BTBD9: variants seen among roughly 807,000 people sequenced by gnomAD.
The protein encoded by BTBD9 is BTB domain containing 9.
In BTBD9, 49 loss-of-function variants were observed where a neutral mutation model predicts 64.3. The ratio of observed to expected loss-of-function variants is 0.76; its 90% CI spans 0.61 to 0.97. The LOEUF is 0.97. BTBD9 is among the 50% of genes least tolerant of loss of function. The probability of loss-of-function intolerance (pLI) is 0.00; values close to 1 mark genes in which losing one functional copy is unlikely to be tolerated. For synonymous variants in BTBD9, 260 were observed against 274.7 expected (o/e 0.95, Z 0.53); for missense variants, 598 against 762.1 (o/e 0.78, Z 2.53).
chr6:38,215,482 G>C (rs950810977), intron 9 of BTBD9, among the ~76,000 whole-genome samples: 16 of 152,150 alleles, frequency 1.1e-4, no homozygotes, highest in African/African-American at 3.9e-4. Context: ...ATCCCCTCAA[G>C]AGCTGCTAAT....
At chr6:38,195,462 G>A (rs1452298406) in intron 9 of BTBD9, among the ~76,000 whole-genome samples, 1 of 152,176 alleles carries the variant, frequency 6.6e-6, no homozygotes, top group Admixed American at 6.5e-5. Context: ...AGAGGAGGGT[G>A]TTTGAACAGG....
intron 6 of BTBD9, among the ~76,000 whole-genome samples, chr6:38,425,662 T>C (rs946395663): frequency 2.6e-5 from 4 of 151,482 alleles, no homozygotes; most frequent in Admixed American, 2.6e-4. Flanking sequence ...TCCCAGCACT[T>C]TGGGAGGCTG....
At chr6:38,244,650 G>C (rs1008299564) in intron 9 of BTBD9, among the ~76,000 whole-genome samples, 1 of 152,076 alleles carries the variant, frequency 6.6e-6, no homozygotes, top group Non-Finnish European at 1.5e-5. Flanking sequence ...CTCTAAGAGT[G>C]GTTAAAAATA....
chr6:38,438,450 G>C (rs1252548522), intron 6 of BTBD9, among the ~76,000 whole-genome samples: 1 of 152,158 alleles, frequency 6.6e-6, no homozygotes, highest in Non-Finnish European at 1.5e-5. Flanking sequence ...TATAATTCTG[G>C]CAGAGGCATG....
intron 9 of BTBD9, among the ~76,000 whole-genome samples, chr6:38,196,953 T>G (rs1015991808): frequency 1.3e-5 from 2 of 152,220 alleles, no homozygotes; most frequent in Admixed American, 6.5e-5. Context: ...GAGTAGTAAT[T>G]AAGCAAGCCA....
At chr6:38,606,094 G>T (rs115710927) in intron 1 of BTBD9, among the ~76,000 whole-genome samples, 2,647 of 152,200 alleles carry the variant, frequency 0.017, 59 homozygotes, top group African/African-American at 0.057. Flanking sequence ...TTCAGCTTTT[G>T]GACTCTTGAA....
At chr6:38,495,329 T>G (rs1300833300) in intron 6 of BTBD9, among the ~76,000 whole-genome samples, 3 of 152,218 alleles carry the variant, frequency 2.0e-5, no homozygotes, top group Non-Finnish European at 4.4e-5. Flanking sequence ...ACACGGGAGA[T>G]CTTCAAAGAA....
At chr6:38,278,576 C>T (rs1245653749) in intron 8 of BTBD9, among the ~76,000 whole-genome samples, 2 of 152,108 alleles carry the variant, frequency 1.3e-5, no homozygotes. Context: ...TGGAGTTTTA[C>T]CATGGGTTGT....
chr6:38,263,252 A>G (rs73730920), intron 8 of BTBD9, among the ~76,000 whole-genome samples: 2,239 of 152,376 alleles, frequency 0.015, 56 homozygotes, highest in African/African-American at 0.051. Flanking sequence ...CTACTCAGTA[A>G]CATTAGGCAA....
intron 9 of BTBD9, among the ~76,000 whole-genome samples, chr6:38,233,978 A>C (rs1378573843): frequency 3.3e-5 from 5 of 152,266 alleles, no homozygotes; most frequent in African/African-American, 4.8e-5. Context: ...TTTAACTGAT[A>C]CCACTGTGTC....
chr6:38,545,799 GAA>G lies in BTBD9; in HGVS notation c.1154+31799_1154+31800del, dbSNP rs1462436579. On this transcript the variant is annotated intron_variant, in intron 6 of 10. Transcript: ENST00000481247. ...GTCTCAAAAAAAAAAAAAAAAAAAA[GAA>G]TGAATTTTATATGTGACTAATGCTT... 2.9e-4 allele frequency among the ~76,000 whole-genome samples: 31 copies of G among 106,356 alleles called. No homozygotes were observed. The South Asian group carries it at 9.6e-3, about 33-fold the overall frequency. The allele number at this position is 106,356 out of a possible 152,430, so 69.8% of individuals were successfully genotyped here. A position where few individuals can be genotyped will look rare whatever the true frequency, so the allele number is the denominator to read the frequency against.
chr6:38,416,035 T>C (rs1297289057), intron 6 of BTBD9, among the ~76,000 whole-genome samples: 1 of 152,044 alleles, frequency 6.6e-6, no homozygotes, highest in Non-Finnish European at 1.5e-5. Flanking sequence ...GCACTATACA[T>C]TGCTAGAAAT....
chr6:38,419,733 G>A (rs1288469748), intron 6 of BTBD9, among the ~76,000 whole-genome samples: 1 of 152,064 alleles, frequency 6.6e-6, no homozygotes, highest in Admixed American at 6.5e-5. Context: ...AGCCGGTTGT[G>A]GCAGTGCATG....
At chr6:38,474,232 A>G (rs977248907) in intron 6 of BTBD9, among the ~76,000 whole-genome samples, 4 of 152,190 alleles carry the variant, frequency 2.6e-5, no homozygotes, top group Non-Finnish European at 5.9e-5. Flanking sequence ...GTAGTTCTGG[A>G]AAGAGCTGAG....
At chr6:38,521,314 T>C (rs543022076) in intron 6 of BTBD9, among the ~76,000 whole-genome samples, 163 of 152,342 alleles carry the variant, frequency 1.1e-3, no homozygotes, top group Non-Finnish European at 1.7e-3. Flanking sequence ...TGAAATAATA[T>C]ATATAAACAT....
chr6:38,367,912 CAG>C (rs543999927), intron 6 of BTBD9, among the ~76,000 whole-genome samples: 105 of 146,634 alleles, frequency 7.2e-4, no homozygotes, highest in African/African-American at 2.5e-3. Flanking sequence ...ATAAACTTTT[CAG>C]AGAGTATATG....
At chr6:38,600,996 T>C (rs1777220946) in intron 1 of BTBD9, among the ~76,000 whole-genome samples, 1 of 152,150 alleles carries the variant, frequency 6.6e-6, no homozygotes, top group African/African-American at 2.4e-5. Flanking sequence ...TTAATTAGAC[T>C]AGTGATTCTC....
At chr6:38,601,877 T>C (rs1777253581) in intron 1 of BTBD9, among the ~76,000 whole-genome samples, 1 of 152,092 alleles carries the variant, frequency 6.6e-6, no homozygotes, top group Admixed American at 6.5e-5. Flanking sequence ...TATGAAAATA[T>C]CTAGCATTCT....
chr6:38,532,448 G>A (rs905533669), intron 6 of BTBD9, among the ~76,000 whole-genome samples: 2 of 152,142 alleles, frequency 1.3e-5, no homozygotes, highest in East Asian at 3.9e-4. Context: ...GACCTACTGA[G>A]ACACCAGCTA....
Sources: gnomAD v4.1 joint callset for allele counts (sites outside exome capture counted in the v4.1 genomes callset) on GRCh38, gnomAD v4.1.1 for gene constraint, MANE v1.5 for transcripts, NCBI Gene and HGNC (gene_info 2026-07-23, HGNC 2026-07-21) for gene names.